The following CCDC83 variants were observed in gnomAD, a reference collection of about 807,000 sequenced individuals.
CCDC83 encodes coiled-coil domain-containing protein 83.
A neutral mutation model predicts 50.1 loss-of-function variants in CCDC83; 54 were observed. The observed-to-expected ratio is 1.08, with a 90% CI of 0.87 to 1.35. The LOEUF (loss-of-function observed/expected upper bound fraction) is 1.35. Among genes scored for constraint, CCDC83 ranks in the 40% most tolerant of loss-of-function variants. The pLI is 0.00. For synonymous variants in CCDC83, 161 were observed against 153.3 expected (o/e 1.05, Z -0.37); for missense variants, 518 against 473.9 (o/e 1.09, Z -0.86).
At chr11:85,861,975 G>A (rs1213141730) in intron 1 of CCDC83, among the ~76,000 whole-genome samples, 4 of 142,156 alleles carry the variant, frequency 2.8e-5, no homozygotes, top group Admixed American at 2.2e-4. Flanking sequence ...TAGCTTGGGC[G>A]ACGGAGCCAG....
intron 9 of CCDC83, 59 bp from the exon 10 acceptor site, chr11:85,915,969 A>C (rs1008569587): frequency 7.7e-6 from 9 of 1,175,634 alleles, no homozygotes; most frequent in Admixed American, 4.4e-5. Context: ...TATGTATTGC[A>C]TTTTTATTTG....
At position 85,919,735 on chromosome 11, in the gene CCDC83, T is replaced by A. The variant is rs2093499788; in HGVS notation, c.*225T>A. ...GCTTTGTATTTCTACACTGAAGTAT[T>A]CAGAAGCATGACAGTGGGTTCAAGG... On this transcript the variant is annotated 3_prime_UTR_variant, in exon 11 of 11. Coordinates refer to ENST00000342404, the MANE Select transcript of CCDC83 (RefSeq NM_001286159.2). 4.0e-5 allele frequency: 19 copies of A among 474,296 alleles called. No homozygotes were observed. In the South Asian group the frequency reaches 5.1e-4, roughly 13 times the overall value. The allele number at this position is 474,296 out of a possible 1,614,324, so 29.4% of individuals were successfully genotyped here.
At chr11:85,917,130 AAGAAAGAGAGAG>A (rs2093480903) in intron 10 of CCDC83, among the ~76,000 whole-genome samples, 2 of 69,524 alleles carry the variant, frequency 2.9e-5, no homozygotes, top group Non-Finnish European at 5.2e-5. Context: ...AAAAAAGAAA[AAGAAAGAGAGAG>A]AGAGAGAGAG....
chr11:85,901,765 A>G (rs1304961159), intron 7 of CCDC83, among the ~76,000 whole-genome samples: 1 of 152,042 alleles, frequency 6.6e-6, no homozygotes, highest in Non-Finnish European at 1.5e-5. Flanking sequence ...GCAGTGGCTC[A>G]CTCCTGTAAT....
rs561084916 is a variant in CCDC83 at position 85,873,704 on chromosome 11, A to G, written c.180+409A>G. On this transcript the variant is annotated intron_variant, in intron 3 of 10. Coordinates refer to ENST00000342404, the MANE Select transcript of CCDC83 (RefSeq NM_001286159.2). Reference sequence around the variant, plus strand: ...ATGTAAATACCATTTGAAAAGCACAATCTCAGTTGTTAAAATTAGTAATTG... The same window carrying G: ...ATGTAAATACCATTTGAAAAGCACAGTCTCAGTTGTTAAAATTAGTAATTG... Among the ~76,000 whole-genome samples, 5 of 152,310 alleles carry G rather than the reference A, an allele frequency of 3.3e-5. No individual in the cohort carries two copies. The South Asian group carries it at 1.0e-3, about 32-fold the overall frequency.
chr11:85,878,414 A>AT (rs1461733232), intron 3 of CCDC83, among the ~76,000 whole-genome samples: 1 of 152,240 alleles, frequency 6.6e-6, no homozygotes, highest in Non-Finnish European at 1.5e-5. Context: ...CAGGAATGTT[A>AT]TACAAATGGA....
chr11:85,865,329 G>A (rs751638627), intron 2 of CCDC83, 111 bp downstream of exon 2: 33 of 722,112 alleles, frequency 4.6e-5, no homozygotes, highest in Non-Finnish European at 6.7e-5. Context: ...CAAAAGAATA[G>A]AGGTGGGTTT....
At chr11:85,887,382 G>T (rs556181569) in intron 5 of CCDC83, among the ~76,000 whole-genome samples, 1 of 152,220 alleles carries the variant, frequency 6.6e-6, no homozygotes, top group East Asian at 1.9e-4. Context: ...AGTGCCCTGC[G>T]TTGTGGAGGG....
chr11:85,908,706 C>A (rs1228852250), intron 7 of CCDC83, among the ~76,000 whole-genome samples: 1 of 151,198 alleles, frequency 6.6e-6, no homozygotes, highest in African/African-American at 2.4e-5. Flanking sequence ...GAGTTTGAGA[C>A]CAACCTGACC....
chr11:85,916,336 C>G, intron 10 of CCDC83, 103 bp downstream of exon 10: 1 of 865,120 alleles, frequency 1.2e-6, no homozygotes, highest in Non-Finnish European at 1.9e-6. Flanking sequence ...ATTGAAAATT[C>G]CATTTGCAAT....
chr11:85,868,082 G>A (rs1448677040), intron 2 of CCDC83, among the ~76,000 whole-genome samples: 2 of 152,158 alleles, frequency 1.3e-5, no homozygotes. Flanking sequence ...GCACATAGTA[G>A]ATAGTTAATT....
intron 5 of CCDC83, among the ~76,000 whole-genome samples, chr11:85,890,874 C>A (rs989712995): frequency 1.3e-5 from 2 of 152,100 alleles, no homozygotes; most frequent in African/African-American, 4.8e-5. Context: ...CACAAAGAAA[C>A]CAGAAGTCAT....
In CCDC83 at chr11:85,919,900, G is replaced by A. The variant is rs747860581; in HGVS notation, c.*390G>A. ...TTGTCTACACATCTTTCCCTCTGAG[G>A]ATGCTCAATGTGATAGACAGCCAGT... On this transcript the variant is annotated 3_prime_UTR_variant, in exon 11 of 11. Transcript: ENST00000342404. The A allele has an allele frequency of 1.3e-4, 26 of 195,196 alleles. No individual in the cohort carries two copies. Among genetic ancestry groups the A allele is most frequent in the South Asian group, 4.0e-4 (4 of 9,926 alleles). 12.1% of individuals were successfully genotyped at this position (195,196 alleles called of 1,614,324 possible).
At chr11:85,860,105 G>A (rs2093166817) in intron 1 of CCDC83, among the ~76,000 whole-genome samples, 3 of 151,712 alleles carry the variant, frequency 2.0e-5, no homozygotes, top group South Asian at 2.1e-4. Flanking sequence ...TGGCTAACAC[G>A]GTGAAACCCC....
intron 1 of CCDC83, among the ~76,000 whole-genome samples, chr11:85,858,843 TG>T (rs1044635973): frequency 6.6e-6 from 1 of 152,158 alleles, no homozygotes; most frequent in Non-Finnish European, 1.5e-5. Flanking sequence ...AACTGTTGTT[TG>T]AATTTTCCTG....
rs748549556 is a variant in CCDC83, at chr11:85,911,382, T to C, written c.774T>C (p.Leu258=). The C allele has an allele frequency of 1.1e-5, 18 of 1,606,898 alleles. No homozygotes were observed. Among genetic ancestry groups the C allele is most frequent in the Non-Finnish European group, 1.4e-5 (17 of 1,177,260 alleles). Residue 258 remains leucine (L), a synonymous_variant, in exon 8 of 11, where the codon CTT becomes CTC. Transcript: ENST00000342404. ...TTGATCAACTATCCAACTGTAGACT[T>C]GTGGATCTCAAGATACCCAGGTGAA... ...VLIDQLSNCR[L]VDLKIPRRLY...
intron 8 of CCDC83, among the ~76,000 whole-genome samples, chr11:85,913,104 G>T (rs11827072): frequency 0.015 from 2,246 of 152,220 alleles, 49 homozygotes; most frequent in African/African-American, 0.051. Context: ...TTTAGGGGCT[G>T]GTTTTCCTGA....
intron 3 of CCDC83, among the ~76,000 whole-genome samples, chr11:85,880,460 G>A (rs2093293744): frequency 6.6e-6 from 1 of 151,976 alleles, no homozygotes; most frequent in African/African-American, 2.4e-5. Flanking sequence ...ATTTTCTGTA[G>A]AGATGGGGTT....
chr11:85,859,874 C>A (rs2093165253), intron 1 of CCDC83, among the ~76,000 whole-genome samples: 1 of 152,180 alleles, frequency 6.6e-6, no homozygotes, highest in African/African-American at 2.4e-5. Context: ...ACAGAGTAAA[C>A]AGACAACCTG....
Sources: allele counts gnomAD v4.1 joint callset (sites outside exome capture counted in the v4.1 genomes callset), GRCh38; gene constraint gnomAD v4.1.1; transcripts MANE v1.5; gene names NCBI Gene and HGNC (gene_info 2026-07-23, HGNC 2026-07-21).